The following KRTAP10-5 variants were observed in gnomAD, a reference collection of about 807,000 sequenced individuals.
KRTAP10-5 encodes the protein keratin associated protein 10-5.
For missense variants in KRTAP10-5, 370 were observed against 351.2 expected (o/e 1.05, Z -0.43); for synonymous variants, 157 against 151.9 (o/e 1.03, Z -0.25).
chr21:44,579,518 CAAGTG>C lies in KRTAP10-5; in HGVS notation c.*240_*244del. ...GGTGCTGACAGGTTCAAGTCGAGGC[CAAGTG>C]ACATGGGGCAGAGAAGCTGGGAGGG... On this transcript the variant is annotated 3_prime_UTR_variant, in exon 1 of 1. Transcript: ENST00000400372. 1 of 587,460 alleles carries C rather than the reference CAAGTG, an allele frequency of 1.7e-6. No individual in the cohort carries two copies. The highest frequency in any genetic ancestry group is 3.0e-6 in the Non-Finnish European group (1 of 333,524). The allele number at this position is 587,460 out of a possible 1,614,324, so 36.4% of individuals were successfully genotyped here. A position where few individuals can be genotyped will look rare whatever the true frequency, so the allele number is the denominator to read the frequency against.
chr21:44,580,278 G>A lies in KRTAP10-5; in HGVS notation c.301C>T (p.Pro101Ser). The change falls in exon 1 of 1, where the codon CCC becomes TCC. Residue 101 changes from proline to serine, a missense_variant. Coordinates refer to ENST00000400372, the MANE Select transcript of KRTAP10-5 (RefSeq NM_198694.3). ...PVCCKPVCCL[P>S]TCSKDSSSCC... ...GAAGAGGAATCCTTAGAGCAGGTGG[G>A]CAGGCAGCACACAGGCTTGCAGCAG... 6.2e-7 allele frequency: 1 copy of A among 1,613,642 alleles called. No homozygotes were observed. The highest frequency in any genetic ancestry group is 8.5e-7 in the Non-Finnish European group (1 of 1,179,906).
At position 44,579,839 on chromosome 21, in the gene KRTAP10-5, T is replaced by C. The variant is rs7509970; in HGVS notation, c.740A>G (p.Tyr247Cys). The change falls in exon 1 of 1, where the codon TAC becomes TGC. Residue 247 changes from tyrosine (Y) to cysteine (C), a missense_variant. Tyr to Cys is a radical substitution (Grantham distance 194, BLOSUM62 -2). Coordinates refer to ENST00000400372, the MANE Select transcript of KRTAP10-5 (RefSeq NM_198694.3). ...GGCCGGGCGGCAGCAGCTGGCCTGG[T>C]AGGAGGAGGCAGGGGCACAGCAGGA... Reference protein sequence around the residue: ...ISSCCAPASSYQASCCRPASC... With the variant: ...ISSCCAPASSCQASCCRPASC... 86,567 of 1,595,446 alleles carry C rather than the reference T, an allele frequency of 0.054. 3,981 individuals carry two copies. Among genetic ancestry groups the C allele is most frequent in the African/African-American group, 0.2 (14,776 of 73,964 alleles).
Position 44,579,635 on chromosome 21 carries a change from A to AGGG in KRTAP10-5, c.*125_*127dup. ...AGGATGGAGATTCCTGGGAGTATGGAGGGGGGGGTCACCTCAGCACATGGG... is the reference window on the plus strand; with the variant it reads ...AGGATGGAGATTCCTGGGAGTATGGAGGGGGGGGGGGTCACCTCAGCACATGGG... On this transcript the variant is annotated 3_prime_UTR_variant, in exon 1 of 1. Coordinates refer to ENST00000400372, the MANE Select transcript of KRTAP10-5 (RefSeq NM_198694.3). The AGGG allele has an allele frequency of 1.7e-6, 2 of 1,162,336 alleles. No individual in the cohort carries two copies. Among genetic ancestry groups the AGGG allele is most frequent in the African/African-American group, 3.2e-5 (2 of 62,844 alleles). The allele number at this position is 1,162,336 out of a possible 1,614,324, so 72.0% of individuals were successfully genotyped here.
At position 44,580,551 on chromosome 21, in the gene KRTAP10-5, A is replaced by G. The variant is rs781918572; in HGVS notation, c.28T>C (p.Ser10Pro). The change falls in exon 1 of 1, where the codon TCC becomes CCC. Residue 10 changes from serine (S) to proline (P), a missense_variant. Physicochemically the swap from Ser to Pro is moderately conservative, Grantham distance 74 (BLOSUM62 -1). Coordinates refer to ENST00000400372, the MANE Select transcript of KRTAP10-5 (RefSeq NM_198694.3). The part of the protein sequence containing the change: MAACTMSVC[S>P]SACSDSWRVD... Reference sequence around the variant, plus strand: ...CGCCAGGAGTCAGAGCAAGCGCTGGAGCAGACGGACATGGTGCACGCGGCC... The same window carrying G: ...CGCCAGGAGTCAGAGCAAGCGCTGGGGCAGACGGACATGGTGCACGCGGCC... 1.9e-6 allele frequency: 3 copies of G among 1,613,308 alleles called. No individual in the cohort carries two copies. Among genetic ancestry groups the G allele is most frequent in the South Asian group, 1.1e-5 (1 of 90,984 alleles).
Position 44,580,546 on chromosome 21 carries a change from G to T in KRTAP10-5, c.33C>A (p.Ser11Arg). The change falls in exon 1 of 1, where the codon AGC (serine) becomes AGA (arginine). Residue 11 changes from serine to arginine, a missense_variant. Ser to Arg is a moderately radical substitution (Grantham distance 110, BLOSUM62 -1). Coordinates refer to ENST00000400372, the MANE Select transcript of KRTAP10-5 (RefSeq NM_198694.3). The stretch of plus-strand genomic sequence containing the variant: ...CCACTCGCCAGGAGTCAGAGCAAGC[G>T]CTGGAGCAGACGGACATGGTGCACG... MAACTMSVCS[S>R]ACSDSWRVDD... The T allele has an allele frequency of 6.2e-7, 1 of 1,613,472 alleles. No individual in the cohort carries two copies. Among genetic ancestry groups the T allele is most frequent in the Non-Finnish European group, 8.5e-7 (1 of 1,179,780 alleles).
Position 44,579,865 on chromosome 21 carries a change from G to A in KRTAP10-5, c.714C>T (p.Ser238=). The change falls in exon 1 of 1, where the codon TCC becomes TCT. Residue 238 remains serine (S), a synonymous_variant. Transcript: ENST00000400372. The stretch of plus-strand genomic sequence containing the variant: ...AGGAGGAGGCAGGGGCACAGCAGGA[G>A]GAGATGGGCAGGCAGCAGGCGGGCC... The part of the protein sequence containing the change: ...ICRPACCLPI[S]SCCAPASSYQ... 1 of 1,598,388 alleles carries A rather than the reference G, an allele frequency of 6.3e-7. No homozygotes were observed.
chr21:44,579,474 T>G lies in KRTAP10-5; in HGVS notation c.*289A>C. 7 of 530,934 alleles carry G rather than the reference T, an allele frequency of 1.3e-5. No individual in the cohort carries two copies. Among genetic ancestry groups the G allele is most frequent in the East Asian group, 3.2e-5 (1 of 31,708 alleles). 32.9% of individuals were successfully genotyped at this position (530,934 alleles called of 1,614,324 possible). On this transcript the variant is annotated 3_prime_UTR_variant, in exon 1 of 1. Coordinates refer to ENST00000400372, the MANE Select transcript of KRTAP10-5 (RefSeq NM_198694.3). ...AGAGAATCAGGCGACCAAGGGGAGT[T>G]TATTGGGGAGCAGGAGGAGGTGCTG...
In KRTAP10-5 at chr21:44,580,249, G is replaced by C; in HGVS notation, c.330C>G (p.Cys110Trp). ...LPTCSKDSSSCCQQSSCQPTC... is the reference protein window; with the variant it reads ...LPTCSKDSSSWCQQSSCQPTC... ...TTGGCTGGCAGCTAGACTGCTGGCA[G>C]CATGAAGAGGAATCCTTAGAGCAGG... Residue 110 changes from cysteine (C) to tryptophan (W), a missense_variant, in exon 1 of 1, where the codon TGC becomes TGG. Cys to Trp is a radical substitution (Grantham distance 215, BLOSUM62 -2). Coordinates refer to ENST00000400372, the MANE Select transcript of KRTAP10-5 (RefSeq NM_198694.3). 1.2e-6 allele frequency: 2 copies of C among 1,613,782 alleles called. No individual in the cohort carries two copies. Among genetic ancestry groups the C allele is most frequent in the Non-Finnish European group, 1.7e-6 (2 of 1,179,958 alleles).
rs1409792343 is a variant in KRTAP10-5, at chr21:44,579,984, A to G, written c.595T>C (p.Cys199Arg). Residue 199 changes from cysteine to arginine, a missense_variant, in exon 1 of 1, where the codon TGC (cysteine) becomes CGC (arginine). Cys to Arg is a radical substitution (Grantham distance 180). Transcript: ENST00000400372. ...VPVCSGASTS[C>R]CQQSSCQPAC... ...GGCTGACAGCTAGACTGCTGGCAGC[A>G]TGAAGTGGAAGCCCCAGAGCAGACG... The G allele has an allele frequency of 1.2e-6, 2 of 1,613,364 alleles. No individual in the cohort carries two copies. Among genetic ancestry groups the G allele is most frequent in the Non-Finnish European group, 1.7e-6 (2 of 1,179,896 alleles).
rs1978875345 is a variant in KRTAP10-5 at position 44,580,447 on chromosome 21, C to T, written c.132G>A (p.Val44=). 6.2e-7 allele frequency: 1 copy of T among 1,612,982 alleles called. No homozygotes were observed. The highest frequency in any genetic ancestry group is 8.5e-7 in the Non-Finnish European group (1 of 1,179,916). ...GGCAGCAGGGGCTGGACACACAGCT[C>T]ACTGGGGTGCAGACCAGGGTCAGGC... ...APCLTLVCTP[V]SCVSSPCCQA... is the part of the protein sequence containing the mutation. The change falls in exon 1 of 1, where the codon GTG becomes GTA. Residue 44 remains valine, a synonymous_variant. Coordinates refer to ENST00000400372, the MANE Select transcript of KRTAP10-5 (RefSeq NM_198694.3).
rs782225931 is a variant in KRTAP10-5, at chr21:44,580,097, G to C, written c.482C>G (p.Thr161Ser). The C allele has an allele frequency of 6.2e-7, 1 of 1,613,710 alleles. No homozygotes were observed. Among genetic ancestry groups the C allele is most frequent in the Admixed American group, 1.7e-5 (1 of 59,828 alleles). Residue 161 changes from threonine (T) to serine (S), a missense_variant, in exon 1 of 1, where the codon ACT (threonine) becomes AGT (serine). Transcript: ENST00000400372. ...CTGGCAGGGGGAGGAGGTGCAGCAAGTCGGCTGGCAGCTAGAATGCTGGCA... is the reference window on the plus strand; with the variant it reads ...CTGGCAGGGGGAGGAGGTGCAGCAACTCGGCTGGCAGCTAGAATGCTGGCA... ...SCCQHSSCQP[T>S]CCTSSPCQQS...
chr21:44,579,964 A>G lies in KRTAP10-5; in HGVS notation c.615T>C (p.Cys205=), dbSNP rs183168612. The G allele has an allele frequency of 8.2e-4, 1,325 of 1,613,628 alleles. 5 individuals carry two copies. Among genetic ancestry groups the G allele is most frequent in the African/African-American group, 6.3e-3 (470 of 74,904 alleles). The change falls in exon 1 of 1, where the codon TGT becomes TGC. Residue 205 remains cysteine, a synonymous_variant. Coordinates refer to ENST00000400372, the MANE Select transcript of KRTAP10-5 (RefSeq NM_198694.3). The stretch of plus-strand genomic sequence containing the variant: ...AGGAGGTGGTGCAGCAAGCCGGCTG[A>G]CAGCTAGACTGCTGGCAGCATGAAG... The part of the protein sequence containing the change: ...ASTSCCQQSS[C]QPACCTTSCC...
Position 44,580,152 on chromosome 21 carries a change from G to A in KRTAP10-5, c.427C>T (p.Pro143Ser), listed in dbSNP as rs1978829163. Residue 143 changes from proline (P) to serine (S), a missense_variant, in exon 1 of 1, where the codon CCC (proline) becomes TCC (serine). Transcript: ENST00000400372. ...PVCCKPVCCV[P>S]TCSEDSSSCC... ...GAAGAGGAATCCTCAGAACAGGTGG[G>A]CACACAGCACACGGGCTTGCAGCAG... 11 of 1,613,338 alleles carry A rather than the reference G, an allele frequency of 6.8e-6. No homozygotes were observed. Among genetic ancestry groups the A allele is most frequent in the African/African-American group, 1.3e-5 (1 of 74,704 alleles).
At position 44,580,407 on chromosome 21, in the gene KRTAP10-5, G is replaced by A. The variant is rs142526502; in HGVS notation, c.172C>T (p.Pro58Ser). The part of the protein sequence containing the change: ...SSPCCQAACE[P>S]SPCQSGCTSS... The stretch of plus-strand genomic sequence containing the variant: ...GTGCAGCCTGATTGGCAGGGGCTGG[G>A]CTCACAGGCCGCCTGGCAGCAGGGG... The change falls in exon 1 of 1, where the codon CCC (proline) becomes TCC (serine). Residue 58 changes from proline to serine, a missense_variant. Coordinates refer to ENST00000400372, the MANE Select transcript of KRTAP10-5 (RefSeq NM_198694.3). 15,646 of 1,613,066 alleles carry A rather than the reference G, an allele frequency of 9.7e-3. 99 individuals carry two copies. The highest frequency in any genetic ancestry group is 0.011 in the Non-Finnish European group (13,370 of 1,179,758).
rs587684790 is a variant in KRTAP10-5, at chr21:44,579,775, G to C, written c.804C>G (p.Pro268=). The C allele has an allele frequency of 1.2e-6, 2 of 1,611,442 alleles. No individual in the cohort carries two copies. The highest frequency in any genetic ancestry group is 8.5e-7 in the Non-Finnish European group (1 of 1,178,788). Residue 268 remains proline, a synonymous_variant, in exon 1 of 1, where the codon CCC becomes CCG. Coordinates refer to ENST00000400372, the MANE Select transcript of KRTAP10-5 (RefSeq NM_198694.3). ...VSLLCRPACS[P]LAC ...CTGAGCAGAGGCCTCAGCAGGCCAGGGGGGAGCACGCGGGGCGGCAGAGGA... is the reference window on the plus strand; with the variant it reads ...CTGAGCAGAGGCCTCAGCAGGCCAGCGGGGAGCACGCGGGGCGGCAGAGGA...
Position 44,579,685 on chromosome 21 carries a change from C to A in KRTAP10-5, c.*78G>T. 6.5e-7 allele frequency: 1 copy of A among 1,546,056 alleles called. No homozygotes were observed. The highest frequency in any genetic ancestry group is 8.7e-7 in the Non-Finnish European group (1 of 1,148,834). On this transcript the variant is annotated 3_prime_UTR_variant, in exon 1 of 1. Coordinates refer to ENST00000400372, the MANE Select transcript of KRTAP10-5 (RefSeq NM_198694.3). ...GGGCCCCGTCCCAAGCGGGGGCAAC[C>A]TCCTAACCCGAGTCAGGACCAGTTG...
rs868969922 is a variant in KRTAP10-5, at chr21:44,579,901, G to A, written c.678C>T (p.Arg226=). Residue 226 remains arginine, a synonymous_variant, in exon 1 of 1, where the codon CGC becomes CGT. Coordinates refer to ENST00000400372, the MANE Select transcript of KRTAP10-5 (RefSeq NM_198694.3). ...RPSSSVSLLC[R]PICRPACCLP... ...GGCAGCAGGCGGGCCTGCATATGGG[G>A]CGGCAGAGGAGGGACACGGAGGAGG... The A allele has an allele frequency of 1.2e-5, 19 of 1,613,368 alleles. No individual in the cohort carries two copies. In the African/African-American group the frequency reaches 1.9e-4, roughly 16 times the overall value.
Position 44,580,213 on chromosome 21 carries a change from G to A in KRTAP10-5, c.366C>T (p.Ala122=), listed in dbSNP as rs782055093. 11 of 1,614,110 alleles carry A rather than the reference G, an allele frequency of 6.8e-6. No individual in the cohort carries two copies. The highest frequency in any genetic ancestry group is 9.3e-6 in the Non-Finnish European group (11 of 1,179,992). ...AGCAGGACTGCTGGCAGGAGGAAGA[G>A]GCACAGCAAGTTGGCTGGCAGCTAG... The part of the protein sequence containing the change: ...QQSSCQPTCC[A]SSSCQQSCCV... The change falls in exon 1 of 1, where the codon GCC becomes GCT. Residue 122 remains alanine (A), a synonymous_variant. Transcript: ENST00000400372.
In KRTAP10-5 at chr21:44,580,312, G is replaced by A. The variant is rs370111876; in HGVS notation, c.267C>T (p.Cys89=). The A allele has an allele frequency of 5.9e-4, 956 of 1,613,780 alleles. No individual in the cohort carries two copies. Among genetic ancestry groups the A allele is most frequent in the Non-Finnish European group, 6.8e-4 (803 of 1,179,950 alleles). Residue 89 remains cysteine, a synonymous_variant, in exon 1 of 1, where the codon TGC becomes TGT. Transcript: ENST00000400372. ...ACACAGGCTTGCAGCAGACGGGCAC[G>A]CAGCAGGCCTGCTGGCAGGGGGAGG... ...CASSPCQQAC[C]VPVCCKPVCC...
Sources: allele counts gnomAD v4.1 joint callset, GRCh38; gene constraint gnomAD v4.1.1; transcripts MANE v1.5; gene names NCBI Gene and HGNC (gene_info 2026-07-23, HGNC 2026-07-21).